Variants in CUX1 observed in about 807,000 individuals in gnomAD.
The protein encoded by CUX1 is cut like homeobox 1.
In CUX1, 31 loss-of-function variants were observed where a neutral mutation model predicts 158.8. The ratio of observed to expected loss-of-function variants is 0.20; its 90% CI spans 0.15 to 0.26. The LOEUF (loss-of-function observed/expected upper bound fraction) is 0.26, where lower values mean the gene tolerates loss of function less well. Ranked by LOEUF, CUX1 falls within the 10% of genes least tolerant of loss-of-function variation. The pLI, the probability that CUX1 is intolerant of heterozygous loss-of-function variation, is 1.00. For synonymous variants in CUX1, 879 were observed against 862.1 expected, an observed-to-expected ratio of 1.02 and a Z score of -0.34; for missense variants, 1,589 against 2,014.6, an observed-to-expected ratio of 0.79 and a Z score of 4.04.
intron 4 of CUX1, among the ~76,000 whole-genome samples, chr7:102,086,493 G>C (rs1554480543): frequency 6.6e-6 from 1 of 152,034 alleles, no homozygotes; most frequent in Non-Finnish European, 1.5e-5. Context: ...TTCTGTAGTT[G>C]TTTGAATGGC....
intron 8 of CUX1, among the ~76,000 whole-genome samples, chr7:102,147,134 G>C (rs181878374): frequency 1.4e-4 from 22 of 152,240 alleles, no homozygotes; most frequent in Non-Finnish European, 1.8e-4. Context: ...TGATTGGGGA[G>C]GGGTGGGGCC....
At position 101,954,516 on chromosome 7, in the gene CUX1, T is replaced by A. The variant is rs542996450; in HGVS notation, c.141+38291T>A. Among the ~76,000 whole-genome samples the A allele has an allele frequency of 3.9e-5, 6 of 152,302 alleles. No homozygotes were observed. The East Asian group carries it at 9.6e-4, about 24-fold the overall frequency. ...ATCCCAAGGAAAAAAAGTAGAAATA[T>A]GGTTAAAGCTGGCTGGGCACAGTGG... is the stretch of plus-strand genomic sequence containing the variant. On this transcript the variant is annotated intron_variant, in intron 2 of 23. Transcript: ENST00000292535.
chr7:102,203,043 T>C (rs1795607108), intron 18 of CUX1, among the ~76,000 whole-genome samples: 1 of 152,190 alleles, frequency 6.6e-6, no homozygotes, highest in Non-Finnish European at 1.5e-5. Flanking sequence ...CTCGGCTCAC[T>C]GCAACCTCTG....
At chr7:102,018,831 C>T (rs866031226) in intron 2 of CUX1, among the ~76,000 whole-genome samples, 35 of 152,268 alleles carry the variant, frequency 2.3e-4, no homozygotes, top group Middle Eastern at 3.4e-3. Flanking sequence ...CACAAACACA[C>T]GAGCCGCTGG....
chr7:102,221,029 A>G lies in CUX1; in HGVS notation c.3131-6338A>G, dbSNP rs192921194. 8.6e-4 allele frequency among the ~76,000 whole-genome samples: 131 copies of G among 151,930 alleles called. 3 individuals are homozygous for G. Among genetic ancestry groups the G allele is most frequent in the Admixed American group, 5.8e-3 (89 of 15,240 alleles). On this transcript the variant is annotated intron_variant, in intron 20 of 23. Coordinates refer to ENST00000292535, the MANE Select transcript of CUX1 (RefSeq NM_181552.4). ...CCGGCTCCCCTGCTCATTCACACTTAATGTGCCAGGCCACGACCACCTCCC... is the reference window on the plus strand; with the variant it reads ...CCGGCTCCCCTGCTCATTCACACTTGATGTGCCAGGCCACGACCACCTCCC...
intron 1 of CUX1, among the ~76,000 whole-genome samples, chr7:101,912,472 T>G (rs1803608668): frequency 6.6e-6 from 1 of 152,104 alleles, no homozygotes. Context: ...ACGCACTCGT[T>G]CACATTTAGC....
chr7:101,844,475 CCT>C (rs533133832), intron 1 of CUX1, among the ~76,000 whole-genome samples: 81 of 152,230 alleles, frequency 5.3e-4, no homozygotes, highest in South Asian at 1.7e-3. Flanking sequence ...AGATTATTCC[CCT>C]GTTTTCTTTT....
In CUX1 at chr7:101,903,505, A is replaced by G. The variant is rs9656074; in HGVS notation, c.31-12610A>G. On this transcript the variant is annotated intron_variant, in intron 1 of 23. Coordinates refer to ENST00000292535, the MANE Select transcript of CUX1 (RefSeq NM_181552.4). The stretch of plus-strand genomic sequence containing the variant: ...GAGATAACAGCCACAACAGAGCAGT[A>G]AAGAATACTGCTTATAAAACGGACA... Among the ~76,000 whole-genome samples, 177 of 152,370 alleles carry G rather than the reference A, an allele frequency of 1.2e-3. 1 individual carries two copies. Among genetic ancestry groups the G allele is most frequent in the African/African-American group, 4.2e-3 (176 of 41,592 alleles).
At chr7:101,905,473 G>T (rs532156947) in intron 1 of CUX1, among the ~76,000 whole-genome samples, 1 of 152,182 alleles carries the variant, frequency 6.6e-6, no homozygotes, top group Non-Finnish European at 1.5e-5. Context: ...CTGTTCACCC[G>T]ACAGGCAGTG....
chr7:102,262,395 CATGGATGGATGG>C (rs55973199), downstream of CUX1, among the ~76,000 whole-genome samples: 4 of 143,178 alleles, frequency 2.8e-5, no homozygotes, highest in Non-Finnish European at 4.6e-5. Flanking sequence ...AAGACTCCAT[CATGGATGGATGG>C]ATGGATGGAT....
chr7:102,127,133 C>T (rs1024097627), intron 8 of CUX1, among the ~76,000 whole-genome samples: 36 of 152,208 alleles, frequency 2.4e-4, no homozygotes, highest in Non-Finnish European at 4.7e-4. Flanking sequence ...TCCTGCTGTG[C>T]GGCCCAGTTC....
intron 20 of CUX1, among the ~76,000 whole-genome samples, chr7:102,208,176 A>G (rs1796138336): frequency 6.6e-6 from 1 of 152,114 alleles, no homozygotes; most frequent in Admixed American, 6.6e-5. Flanking sequence ...TGACAGACGG[A>G]GACCCTGTCT....
chr7:102,041,024 C>T (rs186429674), intron 3 of CUX1, among the ~76,000 whole-genome samples: 1 of 152,098 alleles, frequency 6.6e-6, no homozygotes, highest in Non-Finnish European at 1.5e-5. Flanking sequence ...CACAGTGGCT[C>T]ATGCCTGTAA....
intron 1 of CUX1, among the ~76,000 whole-genome samples, chr7:101,827,482 T>G (rs1194780224): frequency 6.6e-6 from 1 of 151,996 alleles, no homozygotes; most frequent in Non-Finnish European, 1.5e-5. Context: ...TTTTTAATTT[T>G]TTTCTTTTTT....
At chr7:102,202,316 G>A in intron 18 of CUX1, 112 bp downstream of exon 18, 1 of 1,399,808 alleles carries the variant, frequency 7.1e-7, no homozygotes, top group Non-Finnish European at 9.6e-7. Context: ...CCCAAGAGCA[G>A]AGCGTAAGGC....
intron 2 of CUX1, among the ~76,000 whole-genome samples, chr7:101,958,772 C>G (rs1383035693): frequency 6.6e-6 from 1 of 150,564 alleles, no homozygotes; most frequent in African/African-American, 2.4e-5. Context: ...GAGCCACTGG[C>G]CAGTCCTGAA....
At chr7:102,092,774 A>T (rs571812496) in intron 4 of CUX1, among the ~76,000 whole-genome samples, 1 of 151,988 alleles carries the variant, frequency 6.6e-6, no homozygotes, top group Non-Finnish European at 1.5e-5. Flanking sequence ...TTATCCTGGC[A>T]TGGTCGTGTG....
intron 2 of CUX1, among the ~76,000 whole-genome samples, chr7:101,969,668 T>G (rs1811696963): frequency 6.6e-6 from 1 of 152,116 alleles, no homozygotes; most frequent in South Asian, 2.1e-4. Flanking sequence ...CCAAAATAGT[T>G]TGAAGCTGAA....
At chr7:101,816,757 C>G (rs1318641841), upstream of CUX1, among the ~76,000 whole-genome samples, 1 of 142,048 alleles carries the variant, frequency 7.0e-6, no homozygotes, top group Non-Finnish European at 1.6e-5. Flanking sequence ...GAGCGGCCAC[C>G]GGCGGCGGCG....
Sources: gnomAD v4.1 joint callset for allele counts (sites outside exome capture counted in the v4.1 genomes callset) on GRCh38, gnomAD v4.1.1 for gene constraint, MANE v1.5 for transcripts, NCBI Gene and HGNC (gene_info 2026-07-23, HGNC 2026-07-21) for gene names.